PTPRZ1: variants seen among roughly 807,000 people sequenced by gnomAD.
The protein encoded by PTPRZ1 is protein tyrosine phosphatase receptor type Z1.
A neutral mutation model predicts 214.1 loss-of-function variants in PTPRZ1; 82 were observed. That is an observed-to-expected ratio of 0.38 (90% confidence interval 0.32 to 0.46). The LOEUF is 0.46. Among genes scored for constraint, PTPRZ1 ranks in the 20% least tolerant of loss-of-function variants. The pLI is 1.00. For missense variants in PTPRZ1, 2,603 were observed against 2,748.7 expected, an observed-to-expected ratio of 0.95 and a Z score of 1.19; for synonymous variants, 945 against 987.9, an observed-to-expected ratio of 0.96 and a Z score of 0.81.
chr7:121,996,942 G>A (rs895070163), intron 9 of PTPRZ1, among the ~76,000 whole-genome samples: 1 of 152,118 alleles, frequency 6.6e-6, no homozygotes, highest in African/African-American at 2.4e-5. Flanking sequence ...ATCAGCACAG[G>A]AAAAGTAGAG....
At chr7:122,059,928 A>G (rs1389749272) in intron 29 of PTPRZ1, 40 bp downstream of exon 29, 2 of 1,590,190 alleles carry the variant, frequency 1.3e-6, no homozygotes, top group Non-Finnish European at 1.7e-6. Context: ...TCACTGATAG[A>G]GTACAACTAA....
chr7:121,969,862 T>A (rs1013986910), intron 3 of PTPRZ1, among the ~76,000 whole-genome samples: 30 of 151,920 alleles, frequency 2.0e-4, no homozygotes, highest in African/African-American at 6.5e-4. Context: ...GCAGGTTTGT[T>A]ACATATGTAT....
intron 3 of PTPRZ1, 114 bp from the exon 4 acceptor site, chr7:121,972,427 T>C (rs1307056530): frequency 1.8e-6 from 2 of 1,125,872 alleles, no homozygotes; most frequent in Admixed American, 3.0e-5. Flanking sequence ...TCATATTTTG[T>C]AAATTTATCA....
chr7:122,042,764 A>AT (rs1799772931), intron 22 of PTPRZ1, 21 bp downstream of exon 22: 2 of 1,597,348 alleles, frequency 1.3e-6, no homozygotes, highest in African/African-American at 2.7e-5. Flanking sequence ...TAAAAAGATG[A>AT]TTTTATTCAT....
rs1242151617 is a variant in PTPRZ1, at chr7:122,061,833, C to G, written c.*613C>G. 2 of 152,558 alleles carry G rather than the reference C, an allele frequency of 1.3e-5. No homozygotes were observed. The highest frequency in any genetic ancestry group is 4.8e-5 in the African/African-American group (2 of 41,438). The allele number at this position is 152,558 out of a possible 1,614,324, so 9.5% of individuals were successfully genotyped here. ...TTAGTTTAATGACGTAGTTCATTAG[C>G]TGGTCTTACTCTACCAGTTTTCTGA... On this transcript the variant is annotated 3_prime_UTR_variant, in exon 30 of 30. Coordinates refer to ENST00000393386, the MANE Select transcript of PTPRZ1 (RefSeq NM_002851.3).
At position 122,014,354 on chromosome 7, in the gene PTPRZ1, T is replaced by C. The variant is rs548190151; in HGVS notation, c.4843+465T>C. ...GAGTAATGTGACATAAGCACTTCTC[T>C]CTGACACACCCCTGTAGAAAGGAAT... On this transcript the variant is annotated intron_variant, in intron 12 of 29. Coordinates refer to ENST00000393386, the MANE Select transcript of PTPRZ1 (RefSeq NM_002851.3). Among the ~76,000 whole-genome samples, 23 of 152,258 alleles carry C rather than the reference T, an allele frequency of 1.5e-4. No homozygotes were observed. In the East Asian group the frequency reaches 4.4e-3, roughly 29 times the overall value.
In PTPRZ1 at chr7:121,877,107, C is replaced by T. The variant is rs552982919; in HGVS notation, c.58+3550C>T. 2.0e-5 allele frequency among the ~76,000 whole-genome samples: 3 copies of T among 152,292 alleles called. No individual in the cohort carries two copies. The South Asian group carries it at 6.2e-4, about 32-fold the overall frequency. On this transcript the variant is annotated intron_variant, in intron 1 of 29. Transcript: ENST00000393386. ...CAGTTACCATCTGCTCAAGTGTCTA[C>T]TAGGTGCAGTTTCAGCACTGAGCAT...
intron 23 of PTPRZ1, among the ~76,000 whole-genome samples, chr7:122,045,416 A>G (rs887613356): frequency 3.9e-5 from 6 of 152,192 alleles, no homozygotes; most frequent in Non-Finnish European, 8.8e-5. Context: ...AGTCTACAGC[A>G]TAGGATGTTA....
chr7:121,990,795 C>T (rs1453727470), intron 8 of PTPRZ1, among the ~76,000 whole-genome samples: 4 of 152,180 alleles, frequency 2.6e-5, no homozygotes, highest in Admixed American at 6.5e-5. Context: ...GCTGAGATTA[C>T]AGGCGTGAGC....
chr7:121,961,610 C>T (rs909051857), intron 2 of PTPRZ1, among the ~76,000 whole-genome samples: 2 of 152,194 alleles, frequency 1.3e-5, no homozygotes, highest in African/African-American at 4.8e-5. Context: ...GTATCCCCTG[C>T]GGAGCCTAGA....
In PTPRZ1 at chr7:122,013,711, C is replaced by T; in HGVS notation, c.4665C>T (p.Thr1555=). ...AAGAAAGTGGATCAGGGCAAGGTAC[C>T]TCAGATAGCCTTAATGAGAATGAGA... The part of the protein sequence containing the change: ...SDEESGSGQG[T]SDSLNENETS... The change falls in exon 12 of 30, where the codon ACC becomes ACT. Residue 1555 remains threonine, a synonymous_variant. Coordinates refer to ENST00000393386, the MANE Select transcript of PTPRZ1 (RefSeq NM_002851.3). 6.2e-7 allele frequency: 1 copy of T among 1,614,168 alleles called. No individual in the cohort carries two copies. The highest frequency in any genetic ancestry group is 1.6e-4 in the Middle Eastern group (1 of 6,062).
chr7:121,918,156 C>G (rs1423302431), intron 1 of PTPRZ1, among the ~76,000 whole-genome samples: 1 of 152,096 alleles, frequency 6.6e-6, no homozygotes, highest in East Asian at 1.9e-4. Flanking sequence ...GTGAATCAGT[C>G]AGCATCCTGA....
At chr7:122,045,384 T>C (rs931680009) in intron 23 of PTPRZ1, among the ~76,000 whole-genome samples, 11 of 152,142 alleles carry the variant, frequency 7.2e-5, no homozygotes, top group Non-Finnish European at 4.4e-5. Context: ...AGATTTCACT[T>C]ATTTCTCCTG....
At chr7:121,947,382 C>T (rs907458292) in intron 2 of PTPRZ1, among the ~76,000 whole-genome samples, 2 of 152,048 alleles carry the variant, frequency 1.3e-5, no homozygotes, top group Non-Finnish European at 2.9e-5. Context: ...TGTTGCTCTG[C>T]TATGCTGACG....
intron 2 of PTPRZ1, among the ~76,000 whole-genome samples, chr7:121,940,228 G>A (rs1173350178): frequency 6.6e-6 from 1 of 152,062 alleles, no homozygotes; most frequent in East Asian, 1.9e-4. Context: ...GAGATGTTAG[G>A]CATGATTTTA....
At chr7:122,031,580 T>C (rs1356148961) in intron 15 of PTPRZ1, 21 bp downstream of exon 15, 1 of 1,490,070 alleles carries the variant, frequency 6.7e-7, no homozygotes, top group Admixed American at 1.7e-5. Flanking sequence ...AATATGTCTA[T>C]TTTAAATAAT....
chr7:121,942,329 A>ATTCTCT (rs1658066468), intron 2 of PTPRZ1, among the ~76,000 whole-genome samples: 1 of 152,174 alleles, frequency 6.6e-6, no homozygotes, highest in African/African-American at 2.4e-5. Context: ...GAAAGAGTTC[A>ATTCTCT]TTCTCTTTTG....
intron 15 of PTPRZ1, 85 bp from the exon 16 acceptor site, chr7:122,034,010 C>G: frequency 8.0e-7 from 1 of 1,247,092 alleles, no homozygotes; most frequent in Non-Finnish European, 1.1e-6. Context: ...CCATTGTAAA[C>G]CTAATATGAA....
At chr7:122,059,020 C>T (rs1473477423) in intron 28 of PTPRZ1, 78 bp downstream of exon 28, 1 of 1,370,082 alleles carries the variant, frequency 7.3e-7, no homozygotes, top group Non-Finnish European at 9.9e-7. Flanking sequence ...TTCAGACAAA[C>T]CTAATGCTTT....
Sources: allele counts gnomAD v4.1 joint callset (sites outside exome capture counted in the v4.1 genomes callset), GRCh38; gene constraint gnomAD v4.1.1; transcripts MANE v1.5; gene names NCBI Gene and HGNC (gene_info 2026-07-23, HGNC 2026-07-21).